The following METTL8 variants were observed in gnomAD, a reference collection of about 807,000 sequenced individuals.
METTL8 encodes the protein methyltransferase 8, tRNA N3-cytidine, also known as tRNA N(3)-cytidine methyltransferase METTL8, mitochondrial.
A neutral mutation model predicts 48.7 loss-of-function variants in METTL8; 32 were observed. That is an observed-to-expected ratio of 0.66 (90% CI 0.50 to 0.88). The LOEUF is 0.88. Among genes scored for constraint, METTL8 ranks in the 40% least tolerant of loss-of-function variants. The pLI is 0.00. For synonymous variants in METTL8, 136 were observed against 157.1 expected, an observed-to-expected ratio of 0.87 and a Z score of 1.01; for missense variants, 464 against 474.4, an observed-to-expected ratio of 0.98 and a Z score of 0.20.
In METTL8 at chr2:171,379,646, A is replaced by T. The variant is rs997292278; in HGVS notation, c.143+12397T>A. On this transcript the variant is annotated intron_variant, in intron 2 of 9. Transcript: ENST00000375258. ...ACACTTCCAGGCAAATAAGCTAGAA[A>T]ATCTAAAGAAATGGATAAATTCCTG... 9.8e-5 allele frequency among the ~76,000 whole-genome samples: 15 copies of T among 152,318 alleles called. 1 individual carries two copies. The South Asian group carries it at 3.1e-3, about 32-fold the overall frequency.
chr2:171,339,134 C>A, intron 4 of METTL8, 50 bp downstream of exon 4: 1 of 1,397,906 alleles, frequency 7.2e-7, no homozygotes, highest in Non-Finnish European at 9.4e-7. Flanking sequence ...ACAGAATGTA[C>A]ATTTTCAAAT....
intron 1 of METTL8, among the ~76,000 whole-genome samples, chr2:171,430,970 C>T (rs1424846682): frequency 6.6e-6 from 1 of 152,186 alleles, no homozygotes; most frequent in African/African-American, 2.4e-5. Context: ...AATCAGCATG[C>T]ACTTCCCCAT....
intron 1 of METTL8, among the ~76,000 whole-genome samples, chr2:171,420,232 G>A (rs116003628): frequency 0.01 from 1,567 of 152,128 alleles, 34 homozygotes; most frequent in African/African-American, 0.035. Flanking sequence ...AAAAGAAAGC[G>A]GCTTGGTCAA....
intron 2 of METTL8, among the ~76,000 whole-genome samples, chr2:171,378,600 C>G (rs1687207595): frequency 6.6e-6 from 1 of 151,990 alleles, no homozygotes; most frequent in Non-Finnish European, 1.5e-5. Flanking sequence ...CACTGCACTC[C>G]AGCCTGGGTG....
intron 2 of METTL8, among the ~76,000 whole-genome samples, chr2:171,370,310 C>T (rs1686188794): frequency 6.6e-6 from 1 of 152,010 alleles, no homozygotes; most frequent in African/African-American, 2.4e-5. Flanking sequence ...AAATATTTTC[C>T]TGTATGCTCA....
At chr2:171,363,821 T>A (rs1471048909) in intron 2 of METTL8, among the ~76,000 whole-genome samples, 5 of 140,452 alleles carry the variant, frequency 3.6e-5, no homozygotes, top group Admixed American at 2.8e-4. Flanking sequence ...TATATCTTTT[T>A]TTTTTTTTTG....
At chr2:171,393,257 A>C (rs1237927907) in intron 1 of METTL8, among the ~76,000 whole-genome samples, 2 of 152,094 alleles carry the variant, frequency 1.3e-5, no homozygotes, top group African/African-American at 2.4e-5. Context: ...CGTTTCTTCA[A>C]AAAATAAAAA....
chr2:171,337,331 G>A, intron 5 of METTL8, 122 bp downstream of exon 5: 2 of 617,644 alleles, frequency 3.2e-6, no homozygotes, highest in South Asian at 2.6e-5. Flanking sequence ...AAATTTGCTT[G>A]AGCCATTGTT....
At chr2:171,421,439 G>A (rs1691863266) in intron 1 of METTL8, among the ~76,000 whole-genome samples, 1 of 20,720 alleles carries the variant, frequency 4.8e-5, no homozygotes, top group Admixed American at 7.7e-4. Context: ...AGCACAGTGA[G>A]ACCTTACTTC....
At chr2:171,356,877 A>G (rs925245023) in intron 3 of METTL8, among the ~76,000 whole-genome samples, 10 of 152,038 alleles carry the variant, frequency 6.6e-5, no homozygotes, top group Admixed American at 1.3e-4. Flanking sequence ...GGCCAGAGAC[A>G]TTAGGCAAGA....
At position 171,324,291 on chromosome 2, in the gene METTL8, C is replaced by T; in HGVS notation, c.1105G>A (p.Val369Ile). The change falls in exon 10 of 10, where the codon GTT (valine) becomes ATT (isoleucine). Residue 369 changes from valine to isoleucine, a missense_variant. Transcript: ENST00000375258. ...ATTTTCACTTGTTTTTTCCTATTAA[C>T]TTGTAAGCGGCGATCAACCAGATTT... ...KQNLVDRRLQ[V>I]NRKKQVKMHR... 6.4e-7 allele frequency: 1 copy of T among 1,551,632 alleles called. No individual in the cohort carries two copies.
intron 2 of METTL8, among the ~76,000 whole-genome samples, chr2:171,381,096 A>T (rs1403497839): frequency 6.6e-6 from 1 of 152,304 alleles, no homozygotes; most frequent in African/African-American, 2.4e-5. Context: ...AAACAGAGAA[A>T]TAAGTCCACA....
chr2:171,382,295 G>A (rs1177821390), intron 2 of METTL8, among the ~76,000 whole-genome samples: 1 of 152,090 alleles, frequency 6.6e-6, no homozygotes, highest in African/African-American at 2.4e-5. Context: ...CAAAGACATG[G>A]AACCAACCCA....
intron 7 of METTL8, among the ~76,000 whole-genome samples, chr2:171,330,142 G>A (rs1255317900): frequency 6.6e-6 from 1 of 152,144 alleles, no homozygotes; most frequent in Non-Finnish European, 1.5e-5. Context: ...CCATCAACAG[G>A]CCTGTGTGAA....
chr2:171,409,791 C>T (rs1189228112), intron 1 of METTL8, among the ~76,000 whole-genome samples: 3 of 152,168 alleles, frequency 2.0e-5, no homozygotes, highest in African/African-American at 7.2e-5. Context: ...GGGCTGATTC[C>T]TAGACTACAG....
intron 2 of METTL8, among the ~76,000 whole-genome samples, chr2:171,362,140 G>A (rs1685225982): frequency 6.6e-6 from 1 of 152,306 alleles, no homozygotes; most frequent in Non-Finnish European, 1.5e-5. Flanking sequence ...GATCTTAAAT[G>A]TGGGGCTGAA....
At position 171,330,542 on chromosome 2, in the gene METTL8, C is replaced by T. The variant is rs966617880; in HGVS notation, c.860+17G>A. 2.5e-6 allele frequency: 4 copies of T among 1,610,214 alleles called. No individual in the cohort carries two copies. The Admixed American group carries it at 5.1e-5, about 20-fold the overall frequency. Reference sequence around the variant, plus strand: ...AGGAGCTTTACACATCCACTTTGCCCTTTCGTCTTCATTTACCTGTCAGGA... The same window carrying T: ...AGGAGCTTTACACATCCACTTTGCCTTTTCGTCTTCATTTACCTGTCAGGA... On this transcript the variant is annotated intron_variant, in intron 7 of 9. Coordinates refer to ENST00000375258, the MANE Select transcript of METTL8 (RefSeq NM_001321154.2).
chr2:171,324,447 AC>A, intron 9 of METTL8, 85 bp from the exon 10 acceptor site: 4 of 1,163,064 alleles, frequency 3.4e-6, no homozygotes, highest in Non-Finnish European at 4.8e-6. Flanking sequence ...GGAATAACTG[AC>A]CATCTAAATT....
At chr2:171,404,876 A>G (rs112757965) in intron 1 of METTL8, among the ~76,000 whole-genome samples, 66 of 152,304 alleles carry the variant, frequency 4.3e-4, no homozygotes, top group African/African-American at 1.6e-3. Context: ...CACTAAGACT[A>G]TTAGATCATG....
Sources: gnomAD v4.1 joint callset for allele counts (sites outside exome capture counted in the v4.1 genomes callset) on GRCh38, gnomAD v4.1.1 for gene constraint, MANE v1.5 for transcripts, NCBI Gene and HGNC (gene_info 2026-07-23, HGNC 2026-07-21) for gene names.